The following CSRNP3 variants were observed in gnomAD, a reference collection of about 807,000 sequenced individuals.
The protein encoded by CSRNP3 is cysteine/serine-rich nuclear protein 3.
A neutral mutation model predicts 48.0 loss-of-function variants in CSRNP3; 12 were observed. The observed-to-expected ratio is 0.25, with a 90% confidence interval of 0.16 to 0.41. CSRNP3 has a LOEUF of 0.41. Ranked by LOEUF, CSRNP3 falls within the 10% of genes least tolerant of loss-of-function variation. The pLI, the probability that CSRNP3 is intolerant of heterozygous loss-of-function variation, is 1.00. For missense variants in CSRNP3, 580 were observed against 724.4 expected (o/e 0.80, Z 2.29); for synonymous variants, 263 against 269.7 (o/e 0.98, Z 0.24).
chr2:165,483,601 C>A (rs547414570), intron 1 of CSRNP3, among the ~76,000 whole-genome samples: 2 of 152,190 alleles, frequency 1.3e-5, no homozygotes, highest in Admixed American at 6.5e-5. Flanking sequence ...GTTCTGGTTA[C>A]CACAACAAAA....
At chr2:165,545,185 A>T (rs1363358361) in intron 3 of CSRNP3, among the ~76,000 whole-genome samples, 1 of 152,156 alleles carries the variant, frequency 6.6e-6, no homozygotes, top group Non-Finnish European at 1.5e-5. Context: ...GTAAAGGCTA[A>T]TCTATATGGT....
chr2:165,599,273 A>AAGAGAGAG (rs746283268), intron 4 of CSRNP3, among the ~76,000 whole-genome samples: 1 of 69,002 alleles, frequency 1.4e-5, no homozygotes, highest in Non-Finnish European at 3.0e-5. Context: ...AAAAGAAAGA[A>AAGAGAGAG]AGAGAGAGAG....
chr2:165,673,131 C>CTTTTTTTTTTTTTTT (rs3032370), intron 5 of CSRNP3, among the ~76,000 whole-genome samples: 1 of 67,124 alleles, frequency 1.5e-5, no homozygotes. Flanking sequence ...GTATGTAGCT[C>CTTTTTTTTTTTTTTT]TTTTTTTTTT....
At position 165,479,778 on chromosome 2, in the gene CSRNP3, T is replaced by A. The variant is rs1332412912; in HGVS notation, c.-283+10038T>A. 9.9e-5 allele frequency among the ~76,000 whole-genome samples: 15 copies of A among 151,062 alleles called. No homozygotes were observed. The East Asian group carries it at 2.7e-3, about 28-fold the overall frequency. ...GTACATGCCTATAGTCCTAGCTACT[T>A]GGAGGCTGAGGCAGGAGGATCACTT... On this transcript the variant is annotated intron_variant, in intron 1 of 6. Coordinates refer to ENST00000651982, the MANE Select transcript of CSRNP3 (RefSeq NM_001172173.2).
At chr2:165,492,755 A>G (rs1401619815) in intron 1 of CSRNP3, among the ~76,000 whole-genome samples, 1 of 150,862 alleles carries the variant, frequency 6.6e-6, no homozygotes, top group Non-Finnish European at 1.5e-5. Flanking sequence ...AGAACAAAAC[A>G]AAACTTGCTG....
chr2:165,644,099 T>TA (rs1686773179), intron 4 of CSRNP3, among the ~76,000 whole-genome samples: 1 of 152,190 alleles, frequency 6.6e-6, no homozygotes, highest in African/African-American at 2.4e-5. Context: ...CCCCACCAGC[T>TA]ACTTGCTTTT....
chr2:165,605,624 T>C (rs1685997217), intron 4 of CSRNP3, among the ~76,000 whole-genome samples: 1 of 152,122 alleles, frequency 6.6e-6, no homozygotes, highest in Admixed American at 6.6e-5. Flanking sequence ...ATTTTAAAAA[T>C]ATAGATGCAT....
At chr2:165,556,504 T>C (rs1685162493) in intron 3 of CSRNP3, among the ~76,000 whole-genome samples, 2 of 151,938 alleles carry the variant, frequency 1.3e-5, no homozygotes, top group Admixed American at 6.6e-5. Flanking sequence ...GTCAAGAACT[T>C]TGGGGACGTC....
chr2:165,579,348 A>G (rs1235574981), intron 3 of CSRNP3, among the ~76,000 whole-genome samples: 1 of 152,212 alleles, frequency 6.6e-6, no homozygotes, highest in Non-Finnish European at 1.5e-5. Flanking sequence ...CATTCCAACT[A>G]GAAGTACGGT....
chr2:165,561,747 G>A (rs1323338868), intron 3 of CSRNP3, among the ~76,000 whole-genome samples: 1 of 152,104 alleles, frequency 6.6e-6, no homozygotes, highest in Non-Finnish European at 1.5e-5. Flanking sequence ...TAAACGGAAA[G>A]AATAGACAGT....
Position 165,678,968 on chromosome 2 carries a change from G to C in CSRNP3, c.973G>C (p.Ala325Pro). 1.2e-6 allele frequency: 2 copies of C among 1,614,050 alleles called. No individual in the cohort carries two copies. The highest frequency in any genetic ancestry group is 1.7e-6 in the Non-Finnish European group (2 of 1,179,994). Reference protein sequence around the residue: ...DSFEIETEPQAAVLHLQSAEE... With the variant: ...DSFEIETEPQPAVLHLQSAEE... ...TTTTGAGATTGAAACTGAGCCCCAG[G>C]CTGCAGTGCTGCACCTGCAGTCGGC... Residue 325 changes from alanine (A) to proline (P), a missense_variant, in exon 7 of 7, where the codon GCT becomes CCT. Ala to Pro is a conservative substitution (Grantham distance 27). Coordinates refer to ENST00000651982, the MANE Select transcript of CSRNP3 (RefSeq NM_001172173.2).
intron 5 of CSRNP3, among the ~76,000 whole-genome samples, chr2:165,675,770 T>C (rs1035979310): frequency 5.3e-5 from 8 of 152,214 alleles, no homozygotes; most frequent in African/African-American, 1.9e-4. Context: ...GAATGTTCTG[T>C]AGAATAATCA....
At chr2:165,490,919 C>G (rs1449008450) in intron 1 of CSRNP3, among the ~76,000 whole-genome samples, 1 of 134,310 alleles carries the variant, frequency 7.4e-6, no homozygotes, top group Admixed American at 7.7e-5. Flanking sequence ...ACACCAAAAC[C>G]AATGGCAACA....
At chr2:165,606,928 A>G (rs1686039026) in intron 4 of CSRNP3, among the ~76,000 whole-genome samples, 1 of 152,146 alleles carries the variant, frequency 6.6e-6, no homozygotes. Flanking sequence ...GAAGAGTAGA[A>G]TGGATGGGAT....
chr2:165,531,408 C>T (rs1684810043), intron 3 of CSRNP3, among the ~76,000 whole-genome samples: 1 of 152,182 alleles, frequency 6.6e-6, no homozygotes, highest in Admixed American at 6.5e-5. Context: ...GTTGACACTA[C>T]TCTACACAGC....
intron 3 of CSRNP3, among the ~76,000 whole-genome samples, chr2:165,538,016 G>C (rs16850870): frequency 0.18 from 27,529 of 151,604 alleles, 2,706 homozygotes; most frequent in African/African-American, 0.21. Context: ...AGTAAAACTA[G>C]AGTGTTTGTG....
intron 3 of CSRNP3, among the ~76,000 whole-genome samples, chr2:165,583,131 C>A (rs1409680465): frequency 6.6e-6 from 1 of 152,200 alleles, no homozygotes; most frequent in East Asian, 1.9e-4. Context: ...CTTGTAAACT[C>A]ATTGCCAGAT....
At chr2:165,665,321 T>C (rs916116408) in intron 5 of CSRNP3, among the ~76,000 whole-genome samples, 1 of 152,216 alleles carries the variant, frequency 6.6e-6, no homozygotes, top group Non-Finnish European at 1.5e-5. Context: ...GCATTTTTAC[T>C]GCTCAGCTAA....
intron 3 of CSRNP3, chr2:165,574,435 T>G: frequency 1.9e-6 from 3 of 1,539,452 alleles, no homozygotes; most frequent in Non-Finnish European, 2.6e-6. Flanking sequence ...CACGCAGGTA[T>G]GGTGACATTT....
Sources: allele counts gnomAD v4.1 joint callset (sites outside exome capture counted in the v4.1 genomes callset), GRCh38; gene constraint gnomAD v4.1.1; transcripts MANE v1.5; gene names NCBI Gene and HGNC (gene_info 2026-07-23, HGNC 2026-07-21).